Variants in KCNIP4 observed in about 807,000 individuals in gnomAD.
KCNIP4 encodes Kv channel-interacting protein 4.
KCNIP4 carries 12 observed loss-of-function variants against 34.0 expected under a neutral mutation model. The observed-to-expected ratio is 0.35, with a 90% CI of 0.23 to 0.57. The LOEUF is 0.57. Ranked by LOEUF, KCNIP4 falls within the 20% of genes least tolerant of loss-of-function variation. The pLI is 0.83. For missense variants in KCNIP4, 238 were observed against 311.7 expected (o/e 0.76, Z 1.78); for synonymous variants, 124 against 102.2 (o/e 1.21, Z -1.29).
chr4:21,205,029 G>T (rs747812106), intron 1 of KCNIP4, among the ~76,000 whole-genome samples: 6 of 152,154 alleles, frequency 3.9e-5, no homozygotes, highest in Non-Finnish European at 8.8e-5. Context: ...GAATATATTT[G>T]CTCTGTGGCA....
chr4:21,639,530 C>G (rs907064467), intron 1 of KCNIP4, among the ~76,000 whole-genome samples: 3 of 151,384 alleles, frequency 2.0e-5, no homozygotes, highest in African/African-American at 7.3e-5. Context: ...CCTTCATTAA[C>G]TAGACGAAAT....
At chr4:21,277,153 G>T (rs1354416571) in intron 1 of KCNIP4, among the ~76,000 whole-genome samples, 1 of 152,084 alleles carries the variant, frequency 6.6e-6, no homozygotes, top group African/African-American at 2.4e-5. Flanking sequence ...ATCAGCTGTG[G>T]CCCCAGAGAA....
intron 1 of KCNIP4, among the ~76,000 whole-genome samples, chr4:21,828,424 T>G (rs1212675556): frequency 6.6e-6 from 1 of 151,728 alleles, no homozygotes; most frequent in Non-Finnish European, 1.5e-5. Context: ...TAGGAGAGAA[T>G]GGAGAAGCAA....
At chr4:21,389,391 G>C (rs1722329353) in intron 1 of KCNIP4, among the ~76,000 whole-genome samples, 3 of 151,398 alleles carry the variant, frequency 2.0e-5, no homozygotes, top group Admixed American at 2.0e-4. Flanking sequence ...CCATATTGGT[G>C]TGCTGCACCC....
intron 1 of KCNIP4, among the ~76,000 whole-genome samples, chr4:21,270,448 A>G (rs1184021404): frequency 6.6e-6 from 1 of 152,196 alleles, no homozygotes; most frequent in Non-Finnish European, 1.5e-5. Context: ...TAGAACACCT[A>G]AAACCATGCT....
At chr4:21,928,927 G>T (rs1460932664) in intron 1 of KCNIP4, among the ~76,000 whole-genome samples, 1 of 151,596 alleles carries the variant, frequency 6.6e-6, no homozygotes, top group African/African-American at 2.4e-5. Flanking sequence ...ACAAACTGAG[G>T]GTATAAACAC....
chr4:20,731,548 T>C, intron 8 of KCNIP4: 1 of 985,450 alleles, frequency 1.0e-6, no homozygotes, highest in South Asian at 4.7e-5. Flanking sequence ...GAGCCATTTC[T>C]TGTCCACATA....
At chr4:20,942,757 C>T (rs11726459) in intron 1 of KCNIP4, among the ~76,000 whole-genome samples, 28,056 of 151,992 alleles carry the variant, frequency 0.18, 3,182 homozygotes, top group East Asian at 0.49. Context: ...CTGCAACCTC[C>T]GCCTCCCGGG....
chr4:21,588,027 C>T (rs967182260), intron 1 of KCNIP4, among the ~76,000 whole-genome samples: 1 of 151,902 alleles, frequency 6.6e-6, no homozygotes. Flanking sequence ...CTTCCTGTTG[C>T]TTCCATCTAT....
chr4:21,037,746 A>G (rs528063221), intron 1 of KCNIP4, among the ~76,000 whole-genome samples: 2 of 152,352 alleles, frequency 1.3e-5, no homozygotes, highest in African/African-American at 4.8e-5. Flanking sequence ...ATCCTTTGCC[A>G]TTCACAAAGG....
rs116148538 is a variant in KCNIP4, at chr4:21,363,399, G to A, written c.62-480690C>T. On this transcript the variant is annotated intron_variant, in intron 1 of 8. Transcript: ENST00000382152. Reference sequence around the variant, plus strand: ...CAAAACCTTTACCTAGCCTCACAGGGGTTTATCCTTGTAGCATAGACATAT... The same window carrying A: ...CAAAACCTTTACCTAGCCTCACAGGAGTTTATCCTTGTAGCATAGACATAT... Among the ~76,000 whole-genome samples, 1,239 of 152,124 alleles carry A rather than the reference G, an allele frequency of 8.1e-3. 17 individuals are homozygous for A. Among genetic ancestry groups the A allele is most frequent in the African/African-American group, 0.028 (1,180 of 41,500 alleles).
chr4:21,412,524 G>T (rs1323187264), intron 1 of KCNIP4, among the ~76,000 whole-genome samples: 1 of 152,144 alleles, frequency 6.6e-6, no homozygotes, highest in African/African-American at 2.4e-5. Flanking sequence ...TGGAAAACAG[G>T]GAGAGACCAT....
intron 1 of KCNIP4, among the ~76,000 whole-genome samples, chr4:21,337,530 GATTC>G (rs1046835435): frequency 7.2e-5 from 11 of 152,070 alleles, no homozygotes; most frequent in African/African-American, 2.7e-4. Context: ...TGGTTTAAAA[GATTC>G]ATTATTTTAT....
chr4:21,720,516 A>G (rs1285181378), intron 1 of KCNIP4, among the ~76,000 whole-genome samples: 1 of 121,108 alleles, frequency 8.3e-6, no homozygotes, highest in Non-Finnish European at 1.6e-5. Flanking sequence ...TTTTTCCCCC[A>G]TTCTGTTTTT....
rs368576905 is a variant in KCNIP4, at chr4:20,732,699, G to A, written c.624C>T (p.His208=). The A allele has an allele frequency of 2.1e-5, 34 of 1,609,992 alleles. No homozygotes were observed. The highest frequency in any genetic ancestry group is 5.3e-5 in the African/African-American group (4 of 74,784). Residue 208 remains histidine, a synonymous_variant, in exon 7 of 9, where the codon CAC becomes CAT. Coordinates refer to ENST00000382152, the MANE Select transcript of KCNIP4 (RefSeq NM_025221.6). ...PVLKEDAPRQ[H]VETFFQKMDK... ...TTCCTACCTGAAAAAATGTTTCAACGTGTTGTCTGGGAGCATCTTCTTTGA... is the reference window on the plus strand; with the variant it reads ...TTCCTACCTGAAAAAATGTTTCAACATGTTGTCTGGGAGCATCTTCTTTGA...
intron 1 of KCNIP4, among the ~76,000 whole-genome samples, chr4:21,010,657 C>G (rs1007407617): frequency 1.4e-4 from 22 of 152,186 alleles, no homozygotes; most frequent in Non-Finnish European, 1.5e-5. Flanking sequence ...GATGCCTTCA[C>G]CACCAGGCTT....
At chr4:21,750,100 C>T (rs958807387) in intron 1 of KCNIP4, among the ~76,000 whole-genome samples, 1 of 152,158 alleles carries the variant, frequency 6.6e-6, no homozygotes, top group African/African-American at 2.4e-5. Flanking sequence ...CTCCCTCTCT[C>T]CAGGGATATG....
At chr4:21,617,284 A>G (rs189046319) in intron 1 of KCNIP4, among the ~76,000 whole-genome samples, 33 of 152,340 alleles carry the variant, frequency 2.2e-4, no homozygotes, top group African/African-American at 7.5e-4. Flanking sequence ...TACAAAACAT[A>G]CTGTCATCCT....
intron 1 of KCNIP4, among the ~76,000 whole-genome samples, chr4:21,356,233 T>G (rs1261546896): frequency 6.6e-6 from 1 of 152,110 alleles, no homozygotes; most frequent in East Asian, 1.9e-4. Context: ...GGGCAAAAAC[T>G]GGAAGCATTT....
Sources: gnomAD v4.1 joint callset for allele counts (sites outside exome capture counted in the v4.1 genomes callset) on GRCh38, gnomAD v4.1.1 for gene constraint, MANE v1.5 for transcripts, NCBI Gene and HGNC (gene_info 2026-07-23, HGNC 2026-07-21) for gene names.